Variants in ABCB7 observed in about 807,000 individuals in gnomAD.
The protein encoded by ABCB7 is ATP binding cassette subfamily B member 7, also known as iron-sulfur clusters transporter ABCB7, mitochondrial.
A neutral mutation model predicts 54.4 loss-of-function variants in ABCB7; 7 were observed. The observed-to-expected ratio is 0.13, with a 90% CI of 0.07 to 0.24. ABCB7 has a LOEUF of 0.24. ABCB7 is among the 10% of genes least tolerant of loss of function. The probability of loss-of-function intolerance (pLI) is 1.00; values close to 1 mark genes in which losing one functional copy is unlikely to be tolerated. For synonymous variants in ABCB7, 218 were observed against 207.1 expected (o/e 1.05, Z -0.45); for missense variants, 356 against 570.4 (o/e 0.62, Z 3.83).
In ABCB7 at chrX:75,055,126, CTTTA is replaced by C. The variant is rs1351406527; in HGVS notation, c.2044-1545_2044-1542del. Reference sequence around the variant, plus strand: ...CAAAAATCTTGTTCTCAGGTCATTCCTTTATTTATTTATTCACCAAATCCATTTT... The same window carrying C: ...CAAAAATCTTGTTCTCAGGTCATTCCTTTATTTATTCACCAAATCCATTTT... On this transcript the variant is annotated intron_variant, in intron 15 of 15. Coordinates refer to ENST00000373394, the MANE Select transcript of ABCB7 (RefSeq NM_001271696.3). Among the ~76,000 whole-genome samples, 4 of 111,221 alleles carry C rather than the reference CTTTA, an allele frequency of 3.6e-5. No homozygotes were observed. The East Asian group carries it at 1.1e-3, about 31-fold the overall frequency.
intron 1 of ABCB7, among the ~76,000 whole-genome samples, chrX:75,121,243 C>T (rs752046231): frequency 7.6e-5 from 8 of 104,643 alleles, no homozygotes; most frequent in South Asian, 4.5e-4. Flanking sequence ...GAGCCAAGAT[C>T]GTGCCACTGC....
intron 3 of ABCB7, among the ~76,000 whole-genome samples, chrX:75,103,200 T>C (rs769815396): frequency 8.1e-5 from 9 of 111,717 alleles, no homozygotes; most frequent in Non-Finnish European, 1.5e-4. Flanking sequence ...CATAGACCAA[T>C]GTCCTAAAGT....
At chrX:75,153,104 G>C (rs1339097720) in intron 1 of ABCB7, among the ~76,000 whole-genome samples, 1 of 110,205 alleles carries the variant, frequency 9.1e-6, no homozygotes, top group Non-Finnish European at 1.9e-5. Context: ...TTGAGACGGA[G>C]TCTTGCTCTG....
At chrX:75,054,569 ACTTC>A (rs1343468119) in intron 15 of ABCB7, among the ~76,000 whole-genome samples, 1 of 107,930 alleles carries the variant, frequency 9.3e-6, no homozygotes, top group Non-Finnish European at 1.9e-5. Context: ...AGACTTAGTA[ACTTC>A]CTTGTTTTTT....
chrX:75,104,819 C>T (rs1360022282), intron 3 of ABCB7, among the ~76,000 whole-genome samples: 1 of 111,391 alleles, frequency 9.0e-6, no homozygotes, highest in African/African-American at 3.3e-5. Context: ...ATCAGTAAAC[C>T]AAATCCAACA....
intron 4 of ABCB7, among the ~76,000 whole-genome samples, chrX:75,082,972 T>C (rs2081467926): frequency 9.0e-6 from 1 of 111,629 alleles, no homozygotes; most frequent in African/African-American, 3.3e-5. Context: ...AATCCAAGTA[T>C]ATAAATGATA....
chrX:75,116,063 T>C (rs182090128), intron 1 of ABCB7, among the ~76,000 whole-genome samples: 17 of 111,928 alleles, frequency 1.5e-4, no homozygotes, highest in African/African-American at 5.5e-4. Context: ...GGGGGAAATT[T>C]GCATTCTGTA....
chrX:75,099,788 T>C (rs1028431766), intron 3 of ABCB7, among the ~76,000 whole-genome samples: 4 of 110,397 alleles, frequency 3.6e-5, no homozygotes, highest in African/African-American at 1.3e-4. Context: ...AACTACTACA[T>C]TATTATGATT....
At chrX:75,072,729 C>T (rs1247525669) in intron 8 of ABCB7, among the ~76,000 whole-genome samples, 8 of 110,968 alleles carry the variant, frequency 7.2e-5, no homozygotes, top group South Asian at 3.8e-4. Flanking sequence ...TATGCTCAGG[C>T]TACACTAAAT....
At position 75,115,266 on chromosome X, in the gene ABCB7, CAAAAAAAAAAAAAAAA is replaced by C. The variant is rs1160024642; in HGVS notation, c.169-451_169-436del. On this transcript the variant is annotated intron_variant, in intron 1 of 15. Coordinates refer to ENST00000373394, the MANE Select transcript of ABCB7 (RefSeq NM_001271696.3). ...CTGGCAACAGAGCGAGACTCTGTCT[CAAAAAAAAAAAAAAAA>C]AAAAAAAAAAAAAAAAATGACAAAA... Among the ~76,000 whole-genome samples, 9 of 13,252 alleles carry C rather than the reference CAAAAAAAAAAAAAAAA, an allele frequency of 6.8e-4. No individual in the cohort carries two copies. In the South Asian group the frequency reaches 0.046, roughly 68 times the overall value. The allele number at this position is 13,252 out of a possible 115,157, so 11.5% of individuals were successfully genotyped here.
chrX:75,115,350 T>TTA (rs1189504515), intron 1 of ABCB7, among the ~76,000 whole-genome samples: 3 of 99,676 alleles, frequency 3.0e-5, no homozygotes, highest in Non-Finnish European at 6.0e-5. Context: ...GTATTACCCA[T>TTA]TATAAATGTC....
chrX:75,143,195 G>A (rs1411705206), intron 1 of ABCB7, among the ~76,000 whole-genome samples: 3 of 111,475 alleles, frequency 2.7e-5, no homozygotes, highest in Non-Finnish European at 3.8e-5. Context: ...TTGCTGCTTA[G>A]AAATTTCTTC....
chrX:75,101,259 T>C (rs1407708636), intron 3 of ABCB7, among the ~76,000 whole-genome samples: 2 of 109,322 alleles, frequency 1.8e-5, no homozygotes, highest in Non-Finnish European at 3.8e-5. Flanking sequence ...CGGGGGGAAA[T>C]TGTCAACATA....
At chrX:75,102,696 G>A (rs2081650172) in intron 3 of ABCB7, among the ~76,000 whole-genome samples, 2 of 111,201 alleles carry the variant, frequency 1.8e-5, no homozygotes, top group African/African-American at 6.5e-5. Context: ...GGATCATATG[G>A]TAGTTCTAGT....
chrX:75,136,700 T>C (rs2082012289), intron 1 of ABCB7, among the ~76,000 whole-genome samples: 1 of 111,578 alleles, frequency 9.0e-6, no homozygotes, highest in Non-Finnish European at 1.9e-5. Flanking sequence ...GACTGACCAT[T>C]GGAACAGGTT....
intron 1 of ABCB7, among the ~76,000 whole-genome samples, chrX:75,122,881 T>G (rs1433765312): frequency 1.8e-5 from 2 of 109,663 alleles, no homozygotes; most frequent in African/African-American, 6.6e-5. Flanking sequence ...TGTGTGTGTG[T>G]GTGTGTGTGT....
intron 3 of ABCB7, among the ~76,000 whole-genome samples, chrX:75,106,891 C>T (rs1298254848): frequency 9.0e-6 from 1 of 111,465 alleles, no homozygotes; most frequent in Non-Finnish European, 1.9e-5. Flanking sequence ...ACAGAAAAAA[C>T]ACCTTCATAA....
intron 12 of ABCB7, among the ~76,000 whole-genome samples, chrX:75,067,751 C>A (rs2081332564): frequency 9.0e-6 from 1 of 111,104 alleles, no homozygotes; most frequent in Admixed American, 9.6e-5. Flanking sequence ...TCCCAAAGTG[C>A]TGGGATTACA....
At chrX:75,097,510 G>T (rs1296093118) in intron 4 of ABCB7, 3 of 111,917 alleles carry the variant, frequency 2.7e-5, no homozygotes, top group African/African-American at 9.7e-5. Flanking sequence ...TTTGAGGAAA[G>T]AAATTTGCTT....
Sources: gnomAD v4.1 joint callset for allele counts (sites outside exome capture counted in the v4.1 genomes callset) on GRCh38, gnomAD v4.1.1 for gene constraint, MANE v1.5 for transcripts, NCBI Gene and HGNC (gene_info 2026-07-23, HGNC 2026-07-21) for gene names.